XIRP2: variants seen among roughly 807,000 people sequenced by gnomAD.
XIRP2 encodes xin actin binding repeat containing 2.
XIRP2 carries 236 observed loss-of-function variants against 277.0 expected under a neutral mutation model. The observed-to-expected ratio is 0.85, with a 90% CI of 0.77 to 0.95. XIRP2 has a LOEUF of 0.95. XIRP2 is among the 40% of genes least tolerant of loss of function. XIRP2 has a pLI of 0.00. For missense variants in XIRP2, 4,640 were observed against 4,157.5 expected (o/e 1.12, Z -3.19); for synonymous variants, 1,490 against 1,416.5 (o/e 1.05, Z -1.17).
chr2:166,932,612 T>C (rs947343349), intron 2 of XIRP2, among the ~76,000 whole-genome samples: 2 of 152,200 alleles, frequency 1.3e-5, no homozygotes, highest in Admixed American at 1.3e-4. Flanking sequence ...TAAGAAATAC[T>C]TGCTTACTCC....
chr2:167,154,803 A>C (rs965333518), intron 3 of XIRP2, among the ~76,000 whole-genome samples: 1 of 152,144 alleles, frequency 6.6e-6, no homozygotes, highest in African/African-American at 2.4e-5. Flanking sequence ...TAATGAATCC[A>C]GGAGCTGGTT....
intron 2 of XIRP2, among the ~76,000 whole-genome samples, chr2:166,918,839 A>G (rs1279044142): frequency 6.6e-6 from 1 of 152,150 alleles, no homozygotes; most frequent in African/African-American, 2.4e-5. Context: ...TCTTAATTCC[A>G]TGTGTTCCCC....
At chr2:167,076,819 G>GTATT (rs1490038534) in intron 2 of XIRP2, among the ~76,000 whole-genome samples, 1 of 152,070 alleles carries the variant, frequency 6.6e-6, no homozygotes, top group Non-Finnish European at 1.5e-5. Flanking sequence ...AGTTATTTAT[G>GTATT]TATTTATTTA....
At position 167,071,010 on chromosome 2, in the gene XIRP2, G is replaced by A. The variant is rs147550287; in HGVS notation, c.409-64899G>A. ...ATTATCACTGATATTTTATAACTCA[G>A]GCTGAGATTAAGTAGTTTTCCCAAT... On this transcript the variant is annotated intron_variant, in intron 2 of 10. Coordinates refer to ENST00000409195, the MANE Select transcript of XIRP2 (RefSeq NM_152381.6). 5.3e-5 allele frequency among the ~76,000 whole-genome samples: 8 copies of A among 152,106 alleles called. No homozygotes were observed. In the East Asian group the frequency reaches 1.5e-3, roughly 29 times the overall value.
intron 2 of XIRP2, among the ~76,000 whole-genome samples, chr2:166,960,876 C>A (rs1444546960): frequency 6.6e-6 from 1 of 151,738 alleles, no homozygotes; most frequent in African/African-American, 2.4e-5. Context: ...ACCATCCTGA[C>A]CTTTTACTTG....
chr2:167,116,505 T>C (rs1690899318), intron 2 of XIRP2, among the ~76,000 whole-genome samples: 2 of 152,220 alleles, frequency 1.3e-5, no homozygotes, highest in South Asian at 4.1e-4. Flanking sequence ...TTTCGACTTA[T>C]TCTTTCAACC....
At chr2:167,125,781 G>C (rs1162232332) in intron 2 of XIRP2, among the ~76,000 whole-genome samples, 1 of 152,084 alleles carries the variant, frequency 6.6e-6, no homozygotes, top group Non-Finnish European at 1.5e-5. Flanking sequence ...CCAAAATTTG[G>C]TTATTTAATG....
At position 167,238,870 on chromosome 2, in the gene XIRP2, A is replaced by G. The variant is rs187303245; in HGVS notation, c.859-985A>G. ...TTAGCAGTATGCTAACTGCTTCATCATATCAATCAATCAATCAATCAATCA... is the reference window on the plus strand; with the variant it reads ...TTAGCAGTATGCTAACTGCTTCATCGTATCAATCAATCAATCAATCAATCA... On this transcript the variant is annotated intron_variant, in intron 5 of 10. Coordinates refer to ENST00000409195, the MANE Select transcript of XIRP2 (RefSeq NM_152381.6). Among the ~76,000 whole-genome samples the G allele has an allele frequency of 3.6e-3, 548 of 152,184 alleles. 6 individuals carry two copies. Among genetic ancestry groups the G allele is most frequent in the African/African-American group, 0.012 (511 of 41,482 alleles).
At chr2:166,906,727 C>A (rs114646458) in intron 2 of XIRP2, among the ~76,000 whole-genome samples, 2,378 of 152,114 alleles carry the variant, frequency 0.016, 31 homozygotes, top group Non-Finnish European at 0.022. Flanking sequence ...AAACCTGAGG[C>A]AGGAGAATCA....
intron 2 of XIRP2, among the ~76,000 whole-genome samples, chr2:167,101,770 T>C (rs1310298350): frequency 2.0e-5 from 3 of 152,216 alleles, no homozygotes; most frequent in Non-Finnish European, 2.9e-5. Flanking sequence ...TTTTAATTTA[T>C]ATATTGTTTT....
intron 2 of XIRP2, among the ~76,000 whole-genome samples, chr2:167,094,216 A>G (rs186454644): frequency 3.7e-4 from 57 of 152,304 alleles, no homozygotes; most frequent in Non-Finnish European, 6.5e-4. Context: ...TCTGGATATT[A>G]GCCCTTTGTC....
At chr2:167,140,883 T>TA (rs1412754820) in intron 3 of XIRP2, 1 of 152,208 alleles carries the variant, frequency 6.6e-6, no homozygotes, top group Non-Finnish European at 1.5e-5. Flanking sequence ...TAGTCACTAT[T>TA]ACAGTCAGTG....
intron 2 of XIRP2, among the ~76,000 whole-genome samples, chr2:166,925,589 G>GTATATATATATA (rs1470366389): frequency 2.3e-4 from 24 of 105,972 alleles, no homozygotes; most frequent in African/African-American, 8.9e-4. Context: ...GTGTGTATGT[G>GTATATATATATA]TATATACATA....
intron 2 of XIRP2, among the ~76,000 whole-genome samples, chr2:166,918,082 G>A (rs1232650796): frequency 2.0e-5 from 3 of 152,174 alleles, no homozygotes; most frequent in Non-Finnish European, 4.4e-5. Flanking sequence ...GCCCTTCGCA[G>A]TACATCATAT....
intron 2 of XIRP2, among the ~76,000 whole-genome samples, chr2:166,951,913 A>C (rs748056948): frequency 6.6e-6 from 1 of 152,008 alleles, no homozygotes; most frequent in East Asian, 1.9e-4. Context: ...TGCGTCTCCT[A>C]TGAGAGGCAG....
intron 1 of XIRP2, among the ~76,000 whole-genome samples, chr2:166,895,008 G>C (rs1282188948): frequency 6.6e-6 from 1 of 152,094 alleles, no homozygotes; most frequent in Non-Finnish European, 1.5e-5. Context: ...TACGCAGAGG[G>C]ACAGCCTTTG....
At chr2:167,037,553 G>GTA (rs1553481096) in intron 2 of XIRP2, among the ~76,000 whole-genome samples, 1 of 151,214 alleles carries the variant, frequency 6.6e-6, no homozygotes, top group Non-Finnish European at 1.5e-5. Flanking sequence ...GTGTGTGTGT[G>GTA]TGTGTTTTAA....
chr2:167,128,258 T>A (rs548566503), intron 2 of XIRP2, among the ~76,000 whole-genome samples: 1 of 152,328 alleles, frequency 6.6e-6, no homozygotes, highest in South Asian at 2.1e-4. Context: ...CAATTGGAAA[T>A]TTTAATAAAT....
chr2:167,210,887 T>C lies in XIRP2; in HGVS notation c.715T>C (p.Ser239Pro). Reference sequence around the variant, plus strand: ...TTCCAGGGGTGACTGCCGCAGCTTCTCTGCTAATGTAAGCTGCTCCTAATG... The same window carrying C: ...TTCCAGGGGTGACTGCCGCAGCTTCCCTGCTAATGTAAGCTGCTCCTAATG... ...AVSRGDCRSF[S>P]ANMMEESEMC... The change falls in exon 4 of 11, where the codon TCT becomes CCT. Residue 239 changes from serine to proline, a missense_variant. Ser to Pro is a moderately conservative substitution (Grantham distance 74, BLOSUM62 -1). Transcript: ENST00000409195. The C allele has an allele frequency of 6.2e-7, 1 of 1,614,032 alleles. No homozygotes were observed. The highest frequency in any genetic ancestry group is 1.7e-5 in the Admixed American group (1 of 60,020).
Sources: gnomAD v4.1 joint callset for allele counts (sites outside exome capture counted in the v4.1 genomes callset) on GRCh38, gnomAD v4.1.1 for gene constraint, MANE v1.5 for transcripts, NCBI Gene and HGNC (gene_info 2026-07-23, HGNC 2026-07-21) for gene names.